The following ZBTB20 variants were observed in gnomAD, a reference collection of about 807,000 sequenced individuals.
ZBTB20 encodes zinc finger and BTB domain-containing protein 20.
Under a neutral mutation model 56.9 loss-of-function variants are expected in ZBTB20, and 9 were observed. That is an observed-to-expected ratio of 0.16 (90% CI 0.10 to 0.28). ZBTB20 has a LOEUF of 0.28. ZBTB20 is among the 10% of genes least tolerant of loss of function. ZBTB20 has a pLI of 1.00. For synonymous variants in ZBTB20, 417 were observed against 420.7 expected, an observed-to-expected ratio of 0.99 and a Z score of 0.11; for missense variants, 655 against 1,003.0, an observed-to-expected ratio of 0.65 and a Z score of 4.69.
At chr3:114,656,523 A>G (rs965648028) in intron 6 of ZBTB20, among the ~76,000 whole-genome samples, 1 of 152,108 alleles carries the variant, frequency 6.6e-6, no homozygotes, top group Non-Finnish European at 1.5e-5. Context: ...ATCACTCTGC[A>G]CATTTTTGAA....
chr3:115,022,451 A>C (rs1040495827), intron 2 of ZBTB20, among the ~76,000 whole-genome samples: 14 of 151,040 alleles, frequency 9.3e-5, no homozygotes, highest in African/African-American at 3.4e-4. Context: ...ACAACATATC[A>C]TTTTGAATAT....
At chr3:114,487,748 A>G (rs913476079) in intron 7 of ZBTB20, among the ~76,000 whole-genome samples, 1 of 152,174 alleles carries the variant, frequency 6.6e-6, no homozygotes, top group Non-Finnish European at 1.5e-5. Flanking sequence ...GGTATTTCCA[A>G]TTCTCTAGCG....
chr3:115,069,709 A>G (rs2082337412), intron 2 of ZBTB20, among the ~76,000 whole-genome samples: 1 of 152,146 alleles, frequency 6.6e-6, no homozygotes, highest in South Asian at 2.1e-4. Flanking sequence ...CCATAACATT[A>G]TATTTGTAAT....
intron 7 of ZBTB20, among the ~76,000 whole-genome samples, chr3:114,449,545 A>T (rs560285471): frequency 6.6e-6 from 1 of 152,274 alleles, no homozygotes; most frequent in East Asian, 1.9e-4. Context: ...ATTCTTCGAT[A>T]GCGATGACAA....
chr3:114,823,384 C>G (rs2073356429), intron 4 of ZBTB20, among the ~76,000 whole-genome samples: 1 of 152,050 alleles, frequency 6.6e-6, no homozygotes, highest in South Asian at 2.1e-4. Flanking sequence ...TTATCATTGT[C>G]TCATGGGCAT....
At chr3:114,924,918 CCTA>C (rs1254625209) in intron 3 of ZBTB20, among the ~76,000 whole-genome samples, 2 of 151,092 alleles carry the variant, frequency 1.3e-5, no homozygotes, top group African/African-American at 4.9e-5. Context: ...TACTGTTAAT[CCTA>C]CTAATTTATT....
intron 2 of ZBTB20, among the ~76,000 whole-genome samples, chr3:115,059,904 C>T (rs2081955604): frequency 6.6e-6 from 1 of 152,104 alleles, no homozygotes; most frequent in Non-Finnish European, 1.5e-5. Context: ...TATATGGTAT[C>T]TGGTTATGTT....
At chr3:114,941,236 GGAAAA>G (rs1206008229) in intron 3 of ZBTB20, among the ~76,000 whole-genome samples, 1 of 145,662 alleles carries the variant, frequency 6.9e-6, no homozygotes, top group Non-Finnish European at 1.5e-5. Flanking sequence ...TTTTACCTTG[GGAAAA>G]GATTTTCACA....
intron 1 of ZBTB20, chr3:115,103,139 G>T (rs1398503026): frequency 1.3e-5 from 2 of 152,076 alleles, no homozygotes; most frequent in Admixed American, 1.3e-4. Flanking sequence ...AAGGTCTGAA[G>T]AAATCATTGT....
At chr3:114,532,115 ACC>A (rs1296979111) in intron 6 of ZBTB20, among the ~76,000 whole-genome samples, 9 of 152,174 alleles carry the variant, frequency 5.9e-5, no homozygotes, top group African/African-American at 2.2e-4. Flanking sequence ...CCCCAGTGGC[ACC>A]TGCAATGCCA....
chr3:114,500,986 C>T (rs1157414832), intron 6 of ZBTB20, among the ~76,000 whole-genome samples: 1 of 152,128 alleles, frequency 6.6e-6, no homozygotes, highest in Non-Finnish European at 1.5e-5. Flanking sequence ...ATGAGTCAAA[C>T]CCTGATAAAC....
At chr3:114,526,297 A>G (rs2047214691) in intron 6 of ZBTB20, among the ~76,000 whole-genome samples, 1 of 152,206 alleles carries the variant, frequency 6.6e-6, no homozygotes, top group Non-Finnish European at 1.5e-5. Flanking sequence ...ATGCCAAGAT[A>G]TTCTGTCTCT....
intron 7 of ZBTB20, among the ~76,000 whole-genome samples, chr3:114,477,886 C>CT (rs761281888): frequency 7.0e-6 from 1 of 142,832 alleles, no homozygotes. Flanking sequence ...TTCCTTTTTT[C>CT]TTTCTTTCTT....
chr3:114,596,104 C>T (rs2056293702), intron 6 of ZBTB20, among the ~76,000 whole-genome samples: 1 of 152,132 alleles, frequency 6.6e-6, no homozygotes, highest in African/African-American at 2.4e-5. Flanking sequence ...ATTTCTCTAA[C>T]ACGAGGCTCA....
chr3:114,844,520 CAAAAAAAAAAAAAAA>C lies in ZBTB20; in HGVS notation c.-416-43361_-416-43347del, dbSNP rs71146342. Among the ~76,000 whole-genome samples the C allele has an allele frequency of 7.5e-4, 17 of 22,808 alleles. 1 individual carries two copies. The East Asian group carries it at 0.017, about 23-fold the overall frequency. 15.0% of individuals were successfully genotyped at this position (22,808 alleles called of 152,430 possible). ...TGGTTGACAGAGCAAGTCCCTGTCT[CAAAAAAAAAAAAAAA>C]AAAAAAAAAAAAAAAAACTTTCATT... is the stretch of plus-strand genomic sequence containing the variant. On this transcript the variant is annotated intron_variant, in intron 4 of 11. Transcript: ENST00000675478.
intron 11 of ZBTB20, among the ~76,000 whole-genome samples, chr3:114,340,765 T>C (rs560132492): frequency 3.8e-4 from 58 of 152,172 alleles, no homozygotes; most frequent in Non-Finnish European, 7.2e-4. Context: ...AAACTAAAAC[T>C]GAAAGCCTCT....
At chr3:114,691,110 T>C (rs2062674219) in intron 6 of ZBTB20, among the ~76,000 whole-genome samples, 1 of 152,140 alleles carries the variant, frequency 6.6e-6, no homozygotes, top group South Asian at 2.1e-4. Context: ...CTTACAGATG[T>C]GTCTAAGAAT....
intron 2 of ZBTB20, among the ~76,000 whole-genome samples, chr3:114,975,596 T>C (rs370294479): frequency 5.9e-5 from 9 of 152,162 alleles, no homozygotes; most frequent in African/African-American, 1.9e-4. Context: ...ACTCCTGTTA[T>C]ATTTGGGGTG....
At chr3:114,916,500 T>A (rs765410807) in intron 3 of ZBTB20, among the ~76,000 whole-genome samples, 7 of 152,172 alleles carry the variant, frequency 4.6e-5, no homozygotes, top group Non-Finnish European at 8.8e-5. Context: ...TTTTGTACCT[T>A]CAGATGATTT....
Sources: gnomAD v4.1 joint callset for allele counts (sites outside exome capture counted in the v4.1 genomes callset) on GRCh38, gnomAD v4.1.1 for gene constraint, MANE v1.5 for transcripts, NCBI Gene and HGNC (gene_info 2026-07-23, HGNC 2026-07-21) for gene names.